Variants in MDGA2 observed in about 807,000 individuals in gnomAD.
MDGA2 encodes the protein MAM domain containing glycosylphosphatidylinositol anchor 2, also known as MAM domain-containing glycosylphosphatidylinositol anchor protein 2.
In MDGA2, 40 loss-of-function variants were observed where a neutral mutation model predicts 117.8. The ratio of observed to expected loss-of-function variants is 0.34; its 90% CI spans 0.26 to 0.44. The LOEUF (loss-of-function observed/expected upper bound fraction) is 0.44. MDGA2 is among the 20% of genes least tolerant of loss of function. The probability of loss-of-function intolerance (pLI) is 1.00; values close to 1 mark genes in which losing one functional copy is unlikely to be tolerated. For missense variants in MDGA2, 1,123 were observed against 1,250.6 expected (o/e 0.90, Z 1.54); for synonymous variants, 452 against 439.0 (o/e 1.03, Z -0.37).
At chr14:47,236,036 T>A (rs2139588159) in intron 2 of MDGA2, among the ~76,000 whole-genome samples, 1 of 152,232 alleles carries the variant, frequency 6.6e-6, no homozygotes, top group South Asian at 2.1e-4. Flanking sequence ...GTGGGGCCTG[T>A]AATCCCAGCA....
chr14:47,113,621 T>C (rs1326315765), intron 5 of MDGA2, among the ~76,000 whole-genome samples: 1 of 152,194 alleles, frequency 6.6e-6, no homozygotes, highest in African/African-American at 2.4e-5. Flanking sequence ...TCAATAAACA[T>C]AATTCATCAC....
chr14:47,132,604 A>C (rs1423954895), intron 4 of MDGA2, among the ~76,000 whole-genome samples: 2 of 151,894 alleles, frequency 1.3e-5, no homozygotes, highest in African/African-American at 2.4e-5. Context: ...TGTTGAAAGG[A>C]AAAAAAGAAC....
At chr14:46,882,366 T>A (rs182283317) in intron 10 of MDGA2, 145 bp from the exon 11 acceptor site, 16 of 654,446 alleles carry the variant, frequency 2.4e-5, no homozygotes, top group Non-Finnish European at 3.8e-5. Context: ...GTTTCTATAA[T>A]GATAAACAAA....
At chr14:47,563,711 C>T (rs1328063234) in intron 1 of MDGA2, among the ~76,000 whole-genome samples, 6 of 148,040 alleles carry the variant, frequency 4.1e-5, no homozygotes, top group Non-Finnish European at 8.9e-5. Flanking sequence ...TTTTATCCAA[C>T]TTGCCATTCT....
At chr14:47,297,493 T>TGAAGGGAAGGGAAGGGAAGG (rs3039470) in intron 2 of MDGA2, among the ~76,000 whole-genome samples, 3 of 64,662 alleles carry the variant, frequency 4.6e-5, no homozygotes, top group East Asian at 1.1e-3. Context: ...TGGAGGGGTG[T>TGAAGGGAAGGGAAGGGAAGG]GAAGGGAAGG....
intron 3 of MDGA2, among the ~76,000 whole-genome samples, chr14:47,150,849 G>A (rs774883140): frequency 5.3e-5 from 8 of 151,318 alleles, no homozygotes; most frequent in African/African-American, 7.3e-5. Flanking sequence ...GCTTGAACCC[G>A]GGAGGTAGAG....
intron 8 of MDGA2, among the ~76,000 whole-genome samples, chr14:46,997,594 C>T (rs1162507654): frequency 2.0e-5 from 3 of 152,202 alleles, no homozygotes; most frequent in African/African-American, 4.8e-5. Context: ...TAACCCCTGC[C>T]TATTTGTGTT....
intron 1 of MDGA2, among the ~76,000 whole-genome samples, chr14:47,333,780 T>C: frequency 6.6e-6 from 1 of 151,904 alleles, no homozygotes; most frequent in East Asian, 1.9e-4. Context: ...TCAAATCTAT[T>C]TTACTAAGTA....
chr14:47,267,386 A>G (rs1376772716), intron 2 of MDGA2, among the ~76,000 whole-genome samples: 4 of 152,152 alleles, frequency 2.6e-5, no homozygotes, highest in African/African-American at 9.6e-5. Flanking sequence ...GAATGTTTTT[A>G]TATGTATTCA....
At chr14:47,404,801 C>T (rs2138471487) in intron 1 of MDGA2, among the ~76,000 whole-genome samples, 1 of 152,250 alleles carries the variant, frequency 6.6e-6, no homozygotes, top group African/African-American at 2.4e-5. Context: ...GCCTACCTAT[C>T]ATTTTTAAGC....
chr14:47,043,038 A>T (rs1472024683), intron 7 of MDGA2, among the ~76,000 whole-genome samples: 1 of 152,122 alleles, frequency 6.6e-6, no homozygotes, highest in African/African-American at 2.4e-5. Context: ...ATTTCATTCT[A>T]TTCAAAAATA....
intron 1 of MDGA2, among the ~76,000 whole-genome samples, chr14:47,314,353 T>A (rs2139852271): frequency 6.6e-6 from 1 of 152,218 alleles, no homozygotes; most frequent in Non-Finnish European, 1.5e-5. Context: ...ACATAAGAGT[T>A]CTCTAAAAAG....
chr14:47,200,534 C>CTTTTTTTTTTTTTT (rs10639284), intron 3 of MDGA2: 18 of 421,896 alleles, frequency 4.3e-5, no homozygotes, highest in Middle Eastern at 6.5e-4. Flanking sequence ...TTTTTCTTTT[C>CTTTTTTTTTTTTTT]TTTTTTTTTT....
intron 1 of MDGA2, among the ~76,000 whole-genome samples, chr14:47,402,175 T>C (rs1222057505): frequency 7.9e-5 from 12 of 152,122 alleles, no homozygotes; most frequent in Admixed American, 5.9e-4. Context: ...TTAAAAGGCA[T>C]TAAAAGTGGA....
chr14:46,970,107 T>C (rs1886206583), intron 8 of MDGA2, among the ~76,000 whole-genome samples: 1 of 151,628 alleles, frequency 6.6e-6, no homozygotes, highest in Non-Finnish European at 1.5e-5. Context: ...TTGATGTCAT[T>C]AAAATGATTC....
At chr14:47,519,963 A>C (rs1473322580) in intron 1 of MDGA2, among the ~76,000 whole-genome samples, 1 of 152,210 alleles carries the variant, frequency 6.6e-6, no homozygotes, top group Non-Finnish European at 1.5e-5. Context: ...AAGCCAGATA[A>C]TAAATCAGTA....
chr14:47,011,242 A>G (rs1016106477), intron 8 of MDGA2, among the ~76,000 whole-genome samples: 18 of 152,012 alleles, frequency 1.2e-4, no homozygotes, highest in African/African-American at 4.1e-4. Context: ...GCATGAAATT[A>G]GAACTATGAC....
At position 46,956,222 on chromosome 14, in the gene MDGA2, G is replaced by T. The variant is rs115366881; in HGVS notation, c.2089+1152C>A. Among the ~76,000 whole-genome samples, 425 of 152,096 alleles carry T rather than the reference G, an allele frequency of 2.8e-3. 1 individual carries two copies. The highest frequency in any genetic ancestry group is 9.7e-3 in the African/African-American group (403 of 41,516). Reference sequence around the variant, plus strand: ...GACTTCTTTTTAGATAACACATAATGTCCAGTTTCTTTTTTTTACTACCAT... The same window carrying T: ...GACTTCTTTTTAGATAACACATAATTTCCAGTTTCTTTTTTTTACTACCAT... On this transcript the variant is annotated intron_variant, in intron 9 of 16. Coordinates refer to ENST00000399232, the MANE Select transcript of MDGA2 (RefSeq NM_001113498.3).
chr14:46,977,114 A>C (rs1321327971), intron 8 of MDGA2, among the ~76,000 whole-genome samples: 1 of 151,948 alleles, frequency 6.6e-6, no homozygotes, highest in African/African-American at 2.4e-5. Context: ...TGCTTCATAA[A>C]AAAATATACC....
Sources: gnomAD v4.1 joint callset for allele counts (sites outside exome capture counted in the v4.1 genomes callset) on GRCh38, gnomAD v4.1.1 for gene constraint, MANE v1.5 for transcripts, NCBI Gene and HGNC (gene_info 2026-07-23, HGNC 2026-07-21) for gene names.